GPC3: variants seen among roughly 807,000 people sequenced by gnomAD.
GPC3 encodes the protein glypican 3, also known as glypican-3.
In GPC3, 3 loss-of-function variants were observed where a neutral mutation model predicts 34.4. The ratio of observed to expected loss-of-function variants is 0.09; its 90% CI spans 0.04 to 0.23. GPC3 has a LOEUF of 0.23. Ranked by LOEUF, GPC3 falls within the 10% of genes least tolerant of loss-of-function variation. The probability of loss-of-function intolerance (pLI) is 1.00; values close to 1 mark genes in which losing one functional copy is unlikely to be tolerated. For synonymous variants in GPC3, 177 were observed against 174.0 expected (o/e 1.02, Z -0.13); for missense variants, 351 against 445.6 (o/e 0.79, Z 1.91).
intron 6 of GPC3, among the ~76,000 whole-genome samples, chrX:133,627,465 T>G (rs1186094761): frequency 8.9e-6 from 1 of 111,804 alleles, no homozygotes; most frequent in Non-Finnish European, 1.9e-5. Context: ...AGGGACTGTG[T>G]GAATGACTGG....
chrX:133,584,737 C>T (rs1057301528), intron 7 of GPC3, among the ~76,000 whole-genome samples: 2 of 110,850 alleles, frequency 1.8e-5, no homozygotes, highest in African/African-American at 6.6e-5. Context: ...CCTTGGCCTC[C>T]CAAGCTGCTG....
intron 3 of GPC3, among the ~76,000 whole-genome samples, chrX:133,734,664 A>G (rs1461816999): frequency 3.6e-5 from 4 of 111,723 alleles, no homozygotes; most frequent in African/African-American, 1.3e-4. Flanking sequence ...CTGTATATGC[A>G]TCTGTATTTG....
intron 7 of GPC3, among the ~76,000 whole-genome samples, chrX:133,548,045 C>T (rs755045121): frequency 1.3e-4 from 14 of 111,235 alleles, no homozygotes; most frequent in East Asian, 2.8e-4. Flanking sequence ...AAGGCTGCTA[C>T]GCTGAAACTG....
intron 2 of GPC3, among the ~76,000 whole-genome samples, chrX:133,760,429 A>C (rs1377801283): frequency 8.9e-6 from 1 of 112,215 alleles, no homozygotes; most frequent in African/African-American, 3.2e-5. Flanking sequence ...TATACACTGG[A>C]ATACTATTCA....
At chrX:133,879,928 A>G (rs749555424) in intron 2 of GPC3, among the ~76,000 whole-genome samples, 1 of 112,203 alleles carries the variant, frequency 8.9e-6, no homozygotes, top group Admixed American at 9.5e-5. Context: ...AAAAGACATC[A>G]TCAACCATTT....
chrX:133,729,904 G>A (rs2071446193), intron 3 of GPC3, among the ~76,000 whole-genome samples: 1 of 112,382 alleles, frequency 8.9e-6, no homozygotes. Context: ...AAGGTATAAA[G>A]AAAGTTTCTG....
chrX:133,981,471 A>G (rs1319500404), intron 1 of GPC3, among the ~76,000 whole-genome samples: 1 of 112,449 alleles, frequency 8.9e-6, no homozygotes. Flanking sequence ...TATCAGTATC[A>G]GGATTCGTGT....
chrX:133,763,257 G>A, intron 2 of GPC3: 1 of 559,023 alleles, frequency 1.8e-6, no homozygotes, highest in South Asian at 2.2e-5. Context: ...ATTCTCCTCT[G>A]TGCTATGTGA....
chrX:133,764,230 T>C lies in GPC3; in HGVS notation c.338-10054A>G, dbSNP rs778918419. 7.2e-5 allele frequency among the ~76,000 whole-genome samples: 8 copies of C among 111,272 alleles called. No individual in the cohort carries two copies. In the East Asian group the frequency reaches 2.0e-3, roughly 28 times the overall value. On this transcript the variant is annotated intron_variant, in intron 2 of 7. Transcript: ENST00000370818. ...GTGGGAGCTAAACATGGGGTACTCATGGAAATAAAGATGGTAAGAATAGAA... is the reference window on the plus strand; with the variant it reads ...GTGGGAGCTAAACATGGGGTACTCACGGAAATAAAGATGGTAAGAATAGAA...
intron 2 of GPC3, among the ~76,000 whole-genome samples, chrX:133,910,259 A>T (rs564774727): frequency 5.3e-4 from 58 of 110,447 alleles, no homozygotes; most frequent in Admixed American, 6.7e-4. Flanking sequence ...ATAAAAAATT[A>T]AAAAAAAGTA....
chrX:133,733,200 T>C (rs1360529206), intron 3 of GPC3, among the ~76,000 whole-genome samples: 2 of 110,982 alleles, frequency 1.8e-5, no homozygotes, highest in African/African-American at 6.6e-5. Context: ...AACCAAAAAC[T>C]GTATGTTCTC....
At chrX:133,952,598 C>A (rs2076397722) in intron 2 of GPC3, among the ~76,000 whole-genome samples, 1 of 112,314 alleles carries the variant, frequency 8.9e-6, no homozygotes, top group African/African-American at 3.2e-5. Flanking sequence ...TCACCACTCA[C>A]ACCAATGGGA....
At chrX:133,843,399 C>T (rs1356641480) in intron 2 of GPC3, among the ~76,000 whole-genome samples, 1 of 111,232 alleles carries the variant, frequency 9.0e-6, no homozygotes, top group Non-Finnish European at 1.9e-5. Flanking sequence ...CTTTTGTTCC[C>T]ACTTTTGCCA....
At chrX:133,824,840 T>C (rs1413293591) in intron 2 of GPC3, among the ~76,000 whole-genome samples, 1 of 112,161 alleles carries the variant, frequency 8.9e-6, no homozygotes, top group Non-Finnish European at 1.9e-5. Context: ...GGCAAAAAAA[T>C]TGCGAGAATT....
At chrX:133,770,687 G>A (rs1219001464) in intron 2 of GPC3, among the ~76,000 whole-genome samples, 1 of 111,751 alleles carries the variant, frequency 8.9e-6, no homozygotes, top group Non-Finnish European at 1.9e-5. Flanking sequence ...TTGTCCCCAA[G>A]CTCCTAACAA....
intron 3 of GPC3, among the ~76,000 whole-genome samples, chrX:133,747,668 C>A (rs1169929202): frequency 9.0e-6 from 1 of 111,670 alleles, no homozygotes; most frequent in Non-Finnish European, 1.9e-5. Flanking sequence ...AGTTCTGCCA[C>A]CTACTAGCCA....
chrX:133,750,846 G>T lies in GPC3; in HGVS notation c.1032+2636C>A, dbSNP rs184455299. 4.5e-4 allele frequency among the ~76,000 whole-genome samples: 49 copies of T among 110,098 alleles called. No homozygotes were observed. The East Asian group carries it at 0.013, about 30-fold the overall frequency. ...CTCAGCACTTTGGGCGGCCTAGGTG[G>T]GTGGATCACCTGAGGTCAGGAGTTT... On this transcript the variant is annotated intron_variant, in intron 3 of 7. Coordinates refer to ENST00000370818, the MANE Select transcript of GPC3 (RefSeq NM_004484.4).
intron 2 of GPC3, among the ~76,000 whole-genome samples, chrX:133,804,009 C>T (rs1206249638): frequency 1.8e-5 from 2 of 109,292 alleles, no homozygotes; most frequent in Non-Finnish European, 3.8e-5. Flanking sequence ...CACACACACA[C>T]ACAGACACAC....
At position 133,661,878 on chromosome X, in the gene GPC3, T is replaced by C. The variant is rs147067769; in HGVS notation, c.1293-28A>G. ...GTAAAGGTGAAGGTAAAGAAAAGGT[T>C]TGTCAAAGAAAGTCCCAAACAAAGG... On this transcript the variant is annotated intron_variant, in intron 5 of 7. Transcript: ENST00000370818. 1,417 of 1,196,731 alleles carry C rather than the reference T, an allele frequency of 1.2e-3. 15 individuals carry two copies. The African/African-American group carries it at 0.023, about 19-fold the overall frequency.
Sources: allele counts gnomAD v4.1 joint callset (sites outside exome capture counted in the v4.1 genomes callset), GRCh38; gene constraint gnomAD v4.1.1; transcripts MANE v1.5; gene names NCBI Gene and HGNC (gene_info 2026-07-23, HGNC 2026-07-21).